The following FOXJ3 variants were observed in gnomAD, a reference collection of about 807,000 sequenced individuals.
FOXJ3 encodes forkhead box J3, also known as forkhead box protein J3.
In FOXJ3, 22 loss-of-function variants were observed where a neutral mutation model predicts 76.1. The observed-to-expected ratio is 0.29, with a 90% CI of 0.21 to 0.41. The LOEUF (loss-of-function observed/expected upper bound fraction) is 0.41. Among genes scored for constraint, FOXJ3 ranks in the 10% least tolerant of loss-of-function variants. FOXJ3 has a pLI of 1.00. For missense variants in FOXJ3, 613 were observed against 762.1 expected, an observed-to-expected ratio of 0.80 and a Z score of 2.30; for synonymous variants, 269 against 261.2, an observed-to-expected ratio of 1.03 and a Z score of -0.29.
In FOXJ3 at chr1:42,225,159, T is replaced by C. The variant is rs577642797; in HGVS notation, c.528+2724A>G. ...CAAAATTAAAAATGTGTGAAATAAT[T>C]TTTATTTTTTTCACACAGAATTTCA... On this transcript the variant is annotated intron_variant, in intron 5 of 12. Transcript: ENST00000361346. Among the ~76,000 whole-genome samples, 9 of 152,260 alleles carry C rather than the reference T, an allele frequency of 5.9e-5. No individual in the cohort carries two copies. In the South Asian group the frequency reaches 1.9e-3, roughly 32 times the overall value.
intron 4 of FOXJ3, among the ~76,000 whole-genome samples, chr1:42,237,720 T>C (rs1214179814): frequency 6.6e-6 from 1 of 151,926 alleles, no homozygotes; most frequent in African/African-American, 2.4e-5. Flanking sequence ...GCAAATATAT[T>C]CTCCATTGTT....
intron 5 of FOXJ3, among the ~76,000 whole-genome samples, chr1:42,211,693 G>A (rs1281053529): frequency 6.6e-6 from 1 of 152,170 alleles, no homozygotes; most frequent in Admixed American, 6.5e-5. Flanking sequence ...AGAGACCTCT[G>A]CCATTCCAGC....
chr1:42,239,794 T>C (rs1648983229), intron 4 of FOXJ3, among the ~76,000 whole-genome samples: 1 of 152,204 alleles, frequency 6.6e-6, no homozygotes, highest in African/African-American at 2.4e-5. Flanking sequence ...TTCTCCTGTT[T>C]AGATTTATAA....
At chr1:42,203,751 T>G (rs1284862233) in intron 6 of FOXJ3, among the ~76,000 whole-genome samples, 2 of 152,000 alleles carry the variant, frequency 1.3e-5, no homozygotes, top group Non-Finnish European at 2.9e-5. Flanking sequence ...ATCCCAGCAC[T>G]TTGGGAGGCC....
At chr1:42,334,703 G>A (rs1230541725) in intron 1 of FOXJ3, among the ~76,000 whole-genome samples, 2 of 152,170 alleles carry the variant, frequency 1.3e-5, no homozygotes, top group Non-Finnish European at 2.9e-5. Context: ...ACAGGTCATG[G>A]AGGGAAGGAG....
intron 2 of FOXJ3, among the ~76,000 whole-genome samples, chr1:42,299,411 G>A (rs138775893): frequency 6.0e-5 from 9 of 150,346 alleles, no homozygotes; most frequent in African/African-American, 1.5e-4. Context: ...TATCTGATAC[G>A]AGAATGGATA....
At chr1:42,297,082 T>G (rs906492677) in intron 2 of FOXJ3, among the ~76,000 whole-genome samples, 2 of 152,002 alleles carry the variant, frequency 1.3e-5, no homozygotes, top group African/African-American at 4.8e-5. Context: ...CTACTGTAAA[T>G]GGGATTGGGT....
chr1:42,218,871 C>T (rs559179883), intron 5 of FOXJ3, among the ~76,000 whole-genome samples: 8 of 152,318 alleles, frequency 5.3e-5, no homozygotes, highest in African/African-American at 4.8e-5. Context: ...CAGTAGCCTC[C>T]TTGTTGTTTC....
intron 4 of FOXJ3, among the ~76,000 whole-genome samples, chr1:42,235,826 A>G (rs1648581382): frequency 6.6e-6 from 1 of 152,090 alleles, no homozygotes; most frequent in Admixed American, 6.6e-5. Context: ...TGCTGGCATT[A>G]CAGGTGTGAG....
intron 5 of FOXJ3, among the ~76,000 whole-genome samples, chr1:42,227,180 G>A (rs1030598083): frequency 3.3e-5 from 5 of 152,184 alleles, no homozygotes; most frequent in East Asian, 1.9e-4. Flanking sequence ...GAGAGTAAGC[G>A]AAGCTTCACA....
intron 6 of FOXJ3, among the ~76,000 whole-genome samples, chr1:42,204,433 T>C (rs191475716): frequency 3.3e-5 from 5 of 152,226 alleles, no homozygotes; most frequent in Middle Eastern, 3.4e-3. Flanking sequence ...CATTATTTGG[T>C]CATAAAGTCC....
At chr1:42,267,497 C>T (rs545303105) in intron 3 of FOXJ3, among the ~76,000 whole-genome samples, 1 of 152,060 alleles carries the variant, frequency 6.6e-6, no homozygotes, top group Non-Finnish European at 1.5e-5. Flanking sequence ...GATGCTTGTC[C>T]ATTCACAAGT....
chr1:42,275,558 G>A (rs1322858331), intron 3 of FOXJ3, among the ~76,000 whole-genome samples: 3 of 152,062 alleles, frequency 2.0e-5, no homozygotes, highest in East Asian at 3.9e-4. Context: ...ACCCGTAGTC[G>A]TAGCTACTCA....
chr1:42,216,923 CA>C, intron 5 of FOXJ3, among the ~76,000 whole-genome samples: 1 of 152,220 alleles, frequency 6.6e-6, no homozygotes, highest in South Asian at 2.1e-4. Context: ...CCAAATCAGT[CA>C]TATTAATGAT....
Position 42,192,313 on chromosome 1 carries a change from C to T in FOXJ3, c.935-594G>A, listed in dbSNP as rs1646564265. Among the ~76,000 whole-genome samples the T allele has an allele frequency of 2.0e-5, 3 of 152,268 alleles. No individual in the cohort carries two copies. In the South Asian group the frequency reaches 6.2e-4, roughly 32 times the overall value. On this transcript the variant is annotated intron_variant, in intron 8 of 12. Coordinates refer to ENST00000361346, the MANE Select transcript of FOXJ3 (RefSeq NM_014947.5). ...CTGCAAGCTGGAACATGCCTGTGAG[C>T]ACGTCCAGCACAAATATCTCAGTTA...
chr1:42,248,730 C>CTTTTTTTT (rs4019587), intron 4 of FOXJ3, among the ~76,000 whole-genome samples: 6 of 92,186 alleles, frequency 6.5e-5, no homozygotes, highest in African/African-American at 8.1e-5. Flanking sequence ...CCTGTTTTTT[C>CTTTTTTTT]TTTTTTTTTT....
intron 5 of FOXJ3, among the ~76,000 whole-genome samples, chr1:42,217,583 T>C (rs1369594734): frequency 6.6e-6 from 1 of 152,000 alleles, no homozygotes; most frequent in East Asian, 1.9e-4. Flanking sequence ...GGATTAAATC[T>C]AACTGGAAGC....
At position 42,249,696 on chromosome 1, in the gene FOXJ3, C is replaced by A. The variant is rs557742506; in HGVS notation, c.444+15419G>T. On this transcript the variant is annotated intron_variant, in intron 4 of 12. Coordinates refer to ENST00000361346, the MANE Select transcript of FOXJ3 (RefSeq NM_014947.5). ...TATTAGGCATCTACTGTGTATCAGA[C>A]ACTGCTGGGTATGATGGAGGTATGA... is the stretch of plus-strand genomic sequence containing the variant. Among the ~76,000 whole-genome samples the A allele has an allele frequency of 5.3e-5, 8 of 152,272 alleles. No homozygotes were observed. The South Asian group carries it at 1.0e-3, about 20-fold the overall frequency.
chr1:42,219,433 T>C (rs1436595530), intron 5 of FOXJ3, among the ~76,000 whole-genome samples: 1 of 152,224 alleles, frequency 6.6e-6, no homozygotes. Flanking sequence ...TAGGGTTCAG[T>C]ACTATCTGGT....
Sources: gnomAD v4.1 joint callset for allele counts (sites outside exome capture counted in the v4.1 genomes callset) on GRCh38, gnomAD v4.1.1 for gene constraint, MANE v1.5 for transcripts, NCBI Gene and HGNC (gene_info 2026-07-23, HGNC 2026-07-21) for gene names.